Variants in JAKMIP2 observed in about 807,000 individuals in gnomAD.
The protein encoded by JAKMIP2 is janus kinase and microtubule-interacting protein 2.
JAKMIP2 carries 25 observed loss-of-function variants against 115.0 expected under a neutral mutation model. The ratio of observed to expected loss-of-function variants is 0.22; its 90% confidence interval spans 0.16 to 0.30. JAKMIP2 has a LOEUF of 0.30. Ranked by LOEUF, JAKMIP2 falls within the 10% of genes least tolerant of loss-of-function variation. The pLI, the probability that JAKMIP2 is intolerant of heterozygous loss-of-function variation, is 1.00. For synonymous variants in JAKMIP2, 334 were observed against 343.6 expected, an observed-to-expected ratio of 0.97 and a Z score of 0.31; for missense variants, 642 against 957.6, an observed-to-expected ratio of 0.67 and a Z score of 4.35.
chr5:147,760,383 A>G (rs1216048239), intron 1 of JAKMIP2, among the ~76,000 whole-genome samples: 2 of 139,542 alleles, frequency 1.4e-5, no homozygotes. Context: ...CAGAAGAGGG[A>G]CAAGAGAAGA....
At chr5:147,618,707 G>A (rs1395646172) in intron 18 of JAKMIP2, among the ~76,000 whole-genome samples, 1 of 152,046 alleles carries the variant, frequency 6.6e-6, no homozygotes, top group Non-Finnish European at 1.5e-5. Flanking sequence ...ATTGCACTCT[G>A]GTCTGTGCAA....
At chr5:147,592,832 G>T (rs375133514) in intron 21 of JAKMIP2, among the ~76,000 whole-genome samples, 1 of 152,214 alleles carries the variant, frequency 6.6e-6, no homozygotes, top group Admixed American at 6.5e-5. Flanking sequence ...GTACCCCAAG[G>T]ATACTTCTAG....
Position 147,589,147 on chromosome 5 carries a change from A to G in JAKMIP2, c.*2560T>C, listed in dbSNP as rs1265451185. On this transcript the variant is annotated 3_prime_UTR_variant, in exon 22 of 22. Transcript: ENST00000616793. ...TTTAATCTGGAACCTACCTAGTTGA[A>G]TAAAGAATCCAGCAGGAGGCCGGGC... 3.3e-5 allele frequency: 5 copies of G among 152,150 alleles called. No individual in the cohort carries two copies. The highest frequency in any genetic ancestry group is 1.2e-4 in the African/African-American group (5 of 41,434). 9.4% of individuals were successfully genotyped at this position (152,150 alleles called of 1,614,324 possible).
intron 1 of JAKMIP2, among the ~76,000 whole-genome samples, chr5:147,754,094 C>T (rs965288199): frequency 6.6e-6 from 1 of 152,188 alleles, no homozygotes; most frequent in Non-Finnish European, 1.5e-5. Context: ...ATTCTTGTTA[C>T]TACCTTTGGT....
intron 1 of JAKMIP2, among the ~76,000 whole-genome samples, chr5:147,673,045 G>A (rs1168359369): frequency 6.6e-6 from 1 of 152,172 alleles, no homozygotes; most frequent in Non-Finnish European, 1.5e-5. Context: ...CAGTACTTTG[G>A]TGTGGTTATT....
At chr5:147,632,526 T>A (rs545015725) in intron 13 of JAKMIP2, among the ~76,000 whole-genome samples, 154 bp downstream of exon 13, 64 of 152,320 alleles carry the variant, frequency 4.2e-4, no homozygotes, top group African/African-American at 1.5e-3. Context: ...TTAGTTAATC[T>A]CAGTTGCCTC....
At chr5:147,629,798 C>T (rs745709405) in intron 14 of JAKMIP2, 52 bp from the exon 15 acceptor site, 73 of 1,410,540 alleles carry the variant, frequency 5.2e-5, no homozygotes, top group African/African-American at 5.1e-4. Flanking sequence ...CCTCCTATTC[C>T]ATCAGTGCCT....
intron 18 of JAKMIP2, 146 bp from the exon 19 acceptor site, chr5:147,618,260 G>C (rs1756681397): frequency 1.6e-6 from 1 of 644,322 alleles, no homozygotes; most frequent in Admixed American, 2.8e-5. Context: ...AACTTCTCTA[G>C]CCTAATTACA....
intron 10 of JAKMIP2, 72 bp downstream of exon 10, chr5:147,639,560 T>C: frequency 6.7e-7 from 1 of 1,502,016 alleles, no homozygotes; most frequent in Non-Finnish European, 8.9e-7. Flanking sequence ...ATTGATATTT[T>C]TATGTCCACA....
chr5:147,717,587 T>C (rs1753060557), intron 1 of JAKMIP2, among the ~76,000 whole-genome samples: 1 of 146,068 alleles, frequency 6.8e-6, no homozygotes, highest in Non-Finnish European at 1.5e-5. Flanking sequence ...GATTCCTAGG[T>C]ATTTTATTCT....
At chr5:147,660,522 TCTC>T (rs1175798566) in intron 3 of JAKMIP2, 1 of 437,188 alleles carries the variant, frequency 2.3e-6, no homozygotes, top group Non-Finnish European at 4.5e-6. Flanking sequence ...ATGAAAGTCT[TCTC>T]CTACCCTCTA....
chr5:147,662,742 T>A (rs1456902041), intron 2 of JAKMIP2, among the ~76,000 whole-genome samples: 1 of 152,116 alleles, frequency 6.6e-6, no homozygotes, highest in Non-Finnish European at 1.5e-5. Context: ...CCCAGCACTT[T>A]GGGAGGCCGA....
intron 1 of JAKMIP2, among the ~76,000 whole-genome samples, chr5:147,683,309 T>C (rs2126838761): frequency 6.6e-6 from 1 of 152,236 alleles, no homozygotes; most frequent in Non-Finnish European, 1.5e-5. Context: ...CTGGCCAACA[T>C]AGTGAAACCC....
intron 1 of JAKMIP2, among the ~76,000 whole-genome samples, chr5:147,730,499 A>G (rs1561564337): frequency 6.6e-6 from 1 of 151,082 alleles, no homozygotes; most frequent in Non-Finnish European, 1.5e-5. Flanking sequence ...CTCTGTCGCC[A>G]GGCTGGAGTG....
At chr5:147,710,433 A>C (rs1192366314) in intron 1 of JAKMIP2, among the ~76,000 whole-genome samples, 3 of 152,196 alleles carry the variant, frequency 2.0e-5, no homozygotes, top group Non-Finnish European at 4.4e-5. Flanking sequence ...AATGTCAGGG[A>C]GAAGAAAAAG....
chr5:147,715,773 A>T (rs1752954681), intron 1 of JAKMIP2, among the ~76,000 whole-genome samples: 1 of 151,620 alleles, frequency 6.6e-6, no homozygotes. Context: ...AAGATATAAC[A>T]TACATCATAT....
intron 2 of JAKMIP2, chr5:147,661,870 C>T (rs970554598): frequency 4.7e-5 from 8 of 171,534 alleles, no homozygotes; most frequent in Admixed American, 1.7e-4. Flanking sequence ...TTTCCCTTTA[C>T]GGGGAGGACT....
intron 16 of JAKMIP2, among the ~76,000 whole-genome samples, chr5:147,625,813 C>A (rs551696496): frequency 1.3e-5 from 2 of 152,224 alleles, no homozygotes; most frequent in South Asian, 2.1e-4. Context: ...AAGACTTCAC[C>A]ACTACACCAT....
intron 20 of JAKMIP2, among the ~76,000 whole-genome samples, chr5:147,605,624 A>G (rs1390394110): frequency 6.6e-6 from 1 of 152,178 alleles, no homozygotes; most frequent in Non-Finnish European, 1.5e-5. Context: ...TCTTTATAGT[A>G]GAATGATTCA....
Sources: allele counts gnomAD v4.1 joint callset (sites outside exome capture counted in the v4.1 genomes callset), GRCh38; gene constraint gnomAD v4.1.1; transcripts MANE v1.5; gene names NCBI Gene and HGNC (gene_info 2026-07-23, HGNC 2026-07-21).